COA8: variants seen among roughly 807,000 people sequenced by gnomAD.
COA8 encodes UPF0671 protein C14orf153.
COA8 carries 20 observed loss-of-function variants against 22.0 expected under a neutral mutation model. The ratio of observed to expected loss-of-function variants is 0.91; its 90% CI spans 0.64 to 1.32. The LOEUF (loss-of-function observed/expected upper bound fraction) is 1.32, where lower values mean the gene tolerates loss of function less well. Among genes scored for constraint, COA8 ranks in the 40% most tolerant of loss-of-function variants. The probability of loss-of-function intolerance (pLI) is 0.00; values close to 1 mark genes in which losing one functional copy is unlikely to be tolerated. For synonymous variants in COA8, 105 were observed against 79.9 expected (o/e 1.31, Z -1.68); for missense variants, 266 against 230.0 (o/e 1.16, Z -1.01).
At chr14:103,588,663 A>G (rs1030040260) in intron 4 of COA8, among the ~76,000 whole-genome samples, 9 of 151,818 alleles carry the variant, frequency 5.9e-5, no homozygotes, top group Admixed American at 5.3e-4. Flanking sequence ...GGACAACATG[A>G]CAAAACCCTG....
In COA8 at chr14:103,563,053, G is replaced by A. The variant is rs767484416; in HGVS notation, c.52G>A (p.Ala18Thr). Reference sequence around the variant, plus strand: ...GACCTTTCTCCCCCCTCTCTGCCGCGCCTTCGCCTGCCGCGGCTGTCAACT... The same window carrying A: ...GACCTTTCTCCCCCCTCTCTGCCGCACCTTCGCCTGCCGCGGCTGTCAACT... ...KKTFLPPLCR[A>T]FACRGCQLAP... The change falls in exon 1 of 5, where the codon GCC becomes ACC. Residue 18 changes from alanine to threonine, a missense_variant. Ala to Thr is a moderately conservative substitution (Grantham distance 58). Transcript: ENST00000409074. The A allele has an allele frequency of 6.5e-7, 1 of 1,538,646 alleles. No individual in the cohort carries two copies. The highest frequency in any genetic ancestry group is 8.7e-7 in the Non-Finnish European group (1 of 1,147,720).
intron 3 of COA8, among the ~76,000 whole-genome samples, chr14:103,585,479 C>CA (rs60226654): frequency 7.5e-4 from 99 of 131,326 alleles, no homozygotes; most frequent in Middle Eastern, 3.9e-3. Context: ...AACTCCGTCT[C>CA]AAAAAAAAAA....
At chr14:103,569,214 T>G (rs1457038601) in intron 1 of COA8, among the ~76,000 whole-genome samples, 1 of 152,220 alleles carries the variant, frequency 6.6e-6, no homozygotes, top group Non-Finnish European at 1.5e-5. Flanking sequence ...CAAAGGGCTC[T>G]TCCTCTTACC....
chr14:103,581,454 C>T lies in COA8; in HGVS notation c.386-5820C>T, dbSNP rs531234382. ...GGTGCTGGACAGAGGGAGGAGTCGC[C>T]TCCTGGGCTGGTCGGAGTAGGACCT... On this transcript the variant is annotated intron_variant, in intron 3 of 4. Coordinates refer to ENST00000409074, the MANE Select transcript of COA8 (RefSeq NM_001370595.2). The surrounding 1 kb of genome is among the most constrained non-coding windows in gnomAD (Gnocchi z 4.1). The T allele has an allele frequency of 2.5e-6, 1 of 393,112 alleles. No homozygotes were observed. The highest frequency in any genetic ancestry group is 4.4e-5 in the Admixed American group (1 of 22,504). 24.4% of individuals were successfully genotyped at this position (393,112 alleles called of 1,614,324 possible).
chr14:103,567,189 G>A (rs760180839), intron 1 of COA8, among the ~76,000 whole-genome samples: 5 of 152,010 alleles, frequency 3.3e-5, no homozygotes, highest in African/African-American at 9.7e-5. Context: ...CCTGGCCAAC[G>A]TGGTGAAACA....
intron 1 of COA8, among the ~76,000 whole-genome samples, chr14:103,564,967 T>C (rs1031875519): frequency 9.2e-5 from 14 of 152,110 alleles, no homozygotes; most frequent in Admixed American, 5.2e-4. Context: ...TTTTTTCTTT[T>C]TTCGAGATGG....
In COA8 at chr14:103,590,523, C is replaced by G. The variant is rs949412816; in HGVS notation, c.*237C>G. 2 of 447,078 alleles carry G rather than the reference C, an allele frequency of 4.5e-6. No individual in the cohort carries two copies. The highest frequency in any genetic ancestry group is 7.8e-5 in the Admixed American group (2 of 25,652). 27.7% of individuals were successfully genotyped at this position (447,078 alleles called of 1,614,324 possible). A position where few individuals can be genotyped will look rare whatever the true frequency, so the allele number is the denominator to read the frequency against. On this transcript the variant is annotated 3_prime_UTR_variant, in exon 5 of 5. Coordinates refer to ENST00000409074, the MANE Select transcript of COA8 (RefSeq NM_001370595.2). Reference sequence around the variant, plus strand: ...CGTGGTGTGAAATAAAGCCCAAGCACTGGGTGCCCGTTTCCTGTGTTTCGA... The same window carrying G: ...CGTGGTGTGAAATAAAGCCCAAGCAGTGGGTGCCCGTTTCCTGTGTTTCGA...
chr14:103,581,394 A>C lies in COA8; in HGVS notation c.386-5880A>C, dbSNP rs375266710. Among the ~76,000 whole-genome samples, 2 of 151,964 alleles carry C rather than the reference A, an allele frequency of 1.3e-5. No homozygotes were observed. Among genetic ancestry groups the C allele is most frequent in the African/African-American group, 4.8e-5 (2 of 41,436 alleles). ...GATCTGATCACCGAGACGGCTGCTG[A>C]GTAACTAACGAGTGGGGCGCGTCTA... is the stretch of plus-strand genomic sequence containing the variant. On this transcript the variant is annotated intron_variant, in intron 3 of 4. Coordinates refer to ENST00000409074, the MANE Select transcript of COA8 (RefSeq NM_001370595.2). The surrounding 1 kb of genome is among the most constrained non-coding windows in gnomAD (Gnocchi z 4.1).
Position 103,590,148 on chromosome 14 carries a change from C to T in COA8, c.477-33C>T, listed in dbSNP as rs372414325. ...GGCACCAAGCCTCAGTCCCTGCCACCGTGTCACCTGTGCATCCTCTGTTTC... is the reference window on the plus strand; with the variant it reads ...GGCACCAAGCCTCAGTCCCTGCCACTGTGTCACCTGTGCATCCTCTGTTTC... On this transcript the variant is annotated intron_variant, in intron 4 of 4. Transcript: ENST00000409074. The T allele has an allele frequency of 6.9e-5, 109 of 1,587,882 alleles. No homozygotes were observed. The African/African-American group carries it at 7.3e-4, about 11-fold the overall frequency.
intron 1 of COA8, among the ~76,000 whole-genome samples, chr14:103,568,510 C>CAT (rs773502187): frequency 4.6e-5 from 7 of 150,966 alleles, no homozygotes; most frequent in African/African-American, 1.5e-4. Flanking sequence ...CACATGTATA[C>CAT]ATATATATAC....
chr14:103,584,869 G>T (rs1353964463), intron 3 of COA8, among the ~76,000 whole-genome samples: 1 of 152,202 alleles, frequency 6.6e-6, no homozygotes, highest in African/African-American at 2.4e-5. Context: ...GCCAGGTGCA[G>T]TGGCTCACTC....
At chr14:103,569,502 A>G (rs2076164736) in intron 1 of COA8, among the ~76,000 whole-genome samples, 3 of 152,216 alleles carry the variant, frequency 2.0e-5, no homozygotes, top group African/African-American at 7.2e-5. Flanking sequence ...TAGAAAAAGC[A>G]GCTAATTATT....
chr14:103,574,135 T>C lies in COA8; in HGVS notation c.350T>C (p.Leu117Pro). The change falls in exon 3 of 5, where the codon CTA becomes CCA. Residue 117 changes from leucine (L) to proline (P), a missense_variant. Transcript: ENST00000409074. ...KEKEEFIHSR[L>P]KTKGLGLRTE... ...AAAGAAGAATTTATTCACTCAAGAC[T>C]AAAAACTAAAGGCCTGGGCCTGAGA... 1.2e-5 allele frequency: 12 copies of C among 1,018,080 alleles called. No homozygotes were observed. Among genetic ancestry groups the C allele is most frequent in the Non-Finnish European group, 1.8e-5 (12 of 685,428 alleles). 63.1% of individuals were successfully genotyped at this position (1,018,080 alleles called of 1,614,324 possible). A position where few individuals can be genotyped will look rare whatever the true frequency, so the allele number is the denominator to read the frequency against.
At chr14:103,567,886 C>T (rs141473572) in intron 1 of COA8, among the ~76,000 whole-genome samples, 2 of 152,276 alleles carry the variant, frequency 1.3e-5, no homozygotes, top group African/African-American at 4.8e-5. Context: ...CTGGATAGCT[C>T]TCCCATCTCG....
intron 3 of COA8, among the ~76,000 whole-genome samples, chr14:103,585,457 C>T (rs1358368308): frequency 7.7e-6 from 1 of 129,038 alleles, no homozygotes; most frequent in Non-Finnish European, 1.6e-5. Context: ...CCAGCCTGGG[C>T]AACAAAAGCG....
chr14:103,571,941 C>T lies in COA8; in HGVS notation c.321+121C>T, dbSNP rs1438304587. ...AGGAGATCGAGACCATCCTGGCTAA[C>T]ACGGTGAAACCCTGTCTCTACTAAA... On this transcript the variant is annotated intron_variant, in intron 2 of 4. Coordinates refer to ENST00000409074, the MANE Select transcript of COA8 (RefSeq NM_001370595.2). The T allele has an allele frequency of 2.0e-5, 16 of 782,114 alleles. No individual in the cohort carries two copies. The East Asian group carries it at 4.5e-4, about 22-fold the overall frequency. 48.4% of individuals were successfully genotyped at this position (782,114 alleles called of 1,614,324 possible).
At chr14:103,579,032 C>G (rs2076248540) in intron 3 of COA8, among the ~76,000 whole-genome samples, 1 of 152,204 alleles carries the variant, frequency 6.6e-6, no homozygotes. Flanking sequence ...CTGTCCATCC[C>G]AGATGAGGTC....
intron 3 of COA8, among the ~76,000 whole-genome samples, chr14:103,583,667 TTCTGACACTG>T (rs2076284949): frequency 6.6e-6 from 1 of 152,112 alleles, no homozygotes; most frequent in South Asian, 2.1e-4. Context: ...TTCAGTTCAA[TTCTGACACTG>T]TCTACTTGGA....
intron 3 of COA8, among the ~76,000 whole-genome samples, chr14:103,577,238 T>G (rs2142291909): frequency 6.6e-6 from 1 of 150,860 alleles, no homozygotes; most frequent in South Asian, 2.1e-4. Context: ...CCTGGCTAAT[T>G]TGTGTGTGTG....
Sources: allele counts gnomAD v4.1 joint callset (sites outside exome capture counted in the v4.1 genomes callset), GRCh38; gene constraint gnomAD v4.1.1; non-coding constraint Gnocchi (gnomAD v3.1); transcripts MANE v1.5; gene names NCBI Gene and HGNC (gene_info 2026-07-23, HGNC 2026-07-21).